Variants in NDUFAF6 observed in about 807,000 individuals in gnomAD.
The protein encoded by NDUFAF6 is NADH dehydrogenase (ubiquinone) complex I, assembly factor 6.
In NDUFAF6, 45 loss-of-function variants were observed where a neutral mutation model predicts 40.8. That is an observed-to-expected ratio of 1.10 (90% CI 0.87 to 1.42). NDUFAF6 has a LOEUF of 1.42. Ranked by LOEUF, NDUFAF6 falls within the 40% of genes most tolerant of loss-of-function variation. NDUFAF6 has a pLI of 0.00. For missense variants in NDUFAF6, 435 were observed against 418.5 expected, an observed-to-expected ratio of 1.04 and a Z score of -0.34; for synonymous variants, 185 against 155.9, an observed-to-expected ratio of 1.19 and a Z score of -1.39.
intron 1 of NDUFAF6, among the ~76,000 whole-genome samples, chr8:94,916,719 A>T (rs1819145118): frequency 6.6e-6 from 1 of 151,110 alleles, no homozygotes; most frequent in Non-Finnish European, 1.5e-5. Context: ...AGGCTGAAGC[A>T]GGAGAATTGC....
chr8:94,919,959 T>C (rs1348267019), intron 1 of NDUFAF6, among the ~76,000 whole-genome samples: 1 of 152,162 alleles, frequency 6.6e-6, no homozygotes, highest in Non-Finnish European at 1.5e-5. Context: ...TCAGGAAGGC[T>C]CTGTGGGATT....
upstream of NDUFAF6, among the ~76,000 whole-genome samples, chr8:95,024,817 G>A (rs1250440236): frequency 1.3e-5 from 2 of 152,246 alleles, no homozygotes; most frequent in Non-Finnish European, 2.9e-5. Flanking sequence ...GGTCTTTCCT[G>A]GAACGAAGGC....
At chr8:94,974,230 T>TA (rs199821802) in intron 1 of NDUFAF6, among the ~76,000 whole-genome samples, 7 of 150,316 alleles carry the variant, frequency 4.7e-5, no homozygotes, top group Non-Finnish European at 8.9e-5. Context: ...GTTTTTTTTT[T>TA]AAATTATCTT....
chr8:94,922,000 TTTTG>T (rs556106372), intron 1 of NDUFAF6, among the ~76,000 whole-genome samples: 245 of 152,228 alleles, frequency 1.6e-3, no homozygotes, highest in African/African-American at 5.5e-3. Context: ...ATCCGTGTTT[TTTTG>T]TTTTTTTCTT....
intron 4 of NDUFAF6, among the ~76,000 whole-genome samples, chr8:95,042,595 T>G (rs1245591633): frequency 6.6e-6 from 1 of 152,200 alleles, no homozygotes; most frequent in Non-Finnish European, 1.5e-5. Flanking sequence ...GTGCAATCCT[T>G]TTCAAAATTC....
At chr8:95,051,697 A>G (rs567325102) in intron 7 of NDUFAF6, among the ~76,000 whole-genome samples, 18 of 152,212 alleles carry the variant, frequency 1.2e-4, no homozygotes, top group Non-Finnish European at 2.5e-4. Context: ...AACTTGACCT[A>G]TCAGGGAATT....
chr8:94,980,509 T>C (rs1196950617), intron 1 of NDUFAF6, among the ~76,000 whole-genome samples: 2 of 144,692 alleles, frequency 1.4e-5, no homozygotes, highest in Non-Finnish European at 3.0e-5. Context: ...AGTGGTGTGA[T>C]CTCGGCTCAC....
At chr8:95,037,479 CAA>C (rs1829637696) in intron 3 of NDUFAF6, among the ~76,000 whole-genome samples, 1 of 152,112 alleles carries the variant, frequency 6.6e-6, no homozygotes, top group Non-Finnish European at 1.5e-5. Flanking sequence ...TAAAATAAAA[CAA>C]GAGCATGAGT....
chr8:94,910,982 G>C (rs1308799275), intron 1 of NDUFAF6, among the ~76,000 whole-genome samples: 1 of 152,164 alleles, frequency 6.6e-6, no homozygotes, highest in South Asian at 2.1e-4. Context: ...ATTGCAGAGT[G>C]ATGTTAATGG....
chr8:94,998,918 T>A (rs576792128), intron 2 of NDUFAF6, among the ~76,000 whole-genome samples: 1 of 150,606 alleles, frequency 6.6e-6, no homozygotes, highest in East Asian at 1.9e-4. Flanking sequence ...TTTGTTACGG[T>A]TGGAGAGCAG....
chr8:95,034,135 C>T (rs1264401491), intron 2 of NDUFAF6: 1 of 455,876 alleles, frequency 2.2e-6, no homozygotes, highest in Non-Finnish European at 4.4e-6. Context: ...AAGAGTAGTA[C>T]AAACAATACT....
intron 1 of NDUFAF6, among the ~76,000 whole-genome samples, chr8:94,920,292 T>G (rs1819413908): frequency 6.6e-6 from 1 of 152,236 alleles, no homozygotes; most frequent in African/African-American, 2.4e-5. Context: ...TGGTAATTTA[T>G]AAATAGAAAT....
chr8:94,916,187 A>G (rs569734174), intron 1 of NDUFAF6, among the ~76,000 whole-genome samples: 4 of 152,236 alleles, frequency 2.6e-5, no homozygotes, highest in South Asian at 2.1e-4. Context: ...AGTTCATGCA[A>G]TTTCTTACAG....
At chr8:95,105,056 CACACACACACAGAGAG>C (rs908367394), downstream of NDUFAF6, among the ~76,000 whole-genome samples, 1 of 60,666 alleles carries the variant, frequency 1.6e-5, no homozygotes, top group African/African-American at 6.7e-5. Flanking sequence ...CACACACACA[CACACACACACAGAGAG>C]AGAGAGAGAG....
chr8:94,955,329 G>A (rs531451845), upstream of NDUFAF6, among the ~76,000 whole-genome samples: 1 of 152,294 alleles, frequency 6.6e-6, no homozygotes, highest in East Asian at 1.9e-4. Context: ...GCAAGAAAAC[G>A]TGCACACACA....
chr8:94,925,962 C>T (rs927648895), intron 1 of NDUFAF6: 2 of 152,598 alleles, frequency 1.3e-5, no homozygotes, highest in African/African-American at 4.8e-5. Context: ...ATAAAAGAAT[C>T]TGACAAGTGT....
chr8:94,929,370 GAA>G (rs1452843031), intron 1 of NDUFAF6: 4 of 151,520 alleles, frequency 2.6e-5, no homozygotes, highest in African/African-American at 9.7e-5. Context: ...AACAAAAAAT[GAA>G]AAGTCACTTG....
downstream of NDUFAF6, among the ~76,000 whole-genome samples, chr8:95,060,978 T>C (rs1832558107): frequency 6.6e-6 from 1 of 152,038 alleles, no homozygotes; most frequent in Non-Finnish European, 1.5e-5. Context: ...GGCTTGGCAG[T>C]CAAGGTTTCC....
chr8:95,062,411 C>T (rs1832594991), downstream of NDUFAF6, among the ~76,000 whole-genome samples: 1 of 152,124 alleles, frequency 6.6e-6, no homozygotes, highest in African/African-American at 2.4e-5. Flanking sequence ...AAGACACAGA[C>T]TGGAAGCCTG....
Sources: gnomAD v4.1 joint callset for allele counts (sites outside exome capture counted in the v4.1 genomes callset) on GRCh38, gnomAD v4.1.1 for gene constraint, MANE v1.5 for transcripts, NCBI Gene and HGNC (gene_info 2026-07-23, HGNC 2026-07-21) for gene names.